PTN: variants seen among roughly 807,000 people sequenced by gnomAD.
PTN encodes pleiotrophin.
Under a neutral mutation model 24.1 loss-of-function variants are expected in PTN, and 18 were observed. The observed-to-expected ratio is 0.75, with a 90% CI of 0.52 to 1.11. The LOEUF (loss-of-function observed/expected upper bound fraction) is 1.11, where lower values mean the gene tolerates loss of function less well. Among genes scored for constraint, PTN ranks in the 50% least tolerant of loss-of-function variants. The pLI is 0.00. For missense variants in PTN, 163 were observed against 198.8 expected (o/e 0.82, Z 1.08); for synonymous variants, 78 against 68.6 (o/e 1.14, Z -0.67).
intron 1 of PTN, among the ~76,000 whole-genome samples, chr7:137,292,159 T>G (rs181724323): frequency 6.6e-6 from 1 of 152,180 alleles, no homozygotes; most frequent in Non-Finnish European, 1.5e-5. Flanking sequence ...GGTGGGGGAT[T>G]GGTTCCAGGA....
rs1808718897 is a variant in PTN, at chr7:137,246,105, A to G, written c.451+5125T>C. 2.0e-5 allele frequency among the ~76,000 whole-genome samples: 3 copies of G among 152,162 alleles called. No individual in the cohort carries two copies. The South Asian group carries it at 6.2e-4, about 31-fold the overall frequency. Reference sequence around the variant, plus strand: ...ATGCCTTCACATTCACTCACTGTTCATTCAGTGACTCACCCAGAGCAACTT... The same window carrying G: ...ATGCCTTCACATTCACTCACTGTTCGTTCAGTGACTCACCCAGAGCAACTT... On this transcript the variant is annotated intron_variant, in intron 4 of 4. Transcript: ENST00000348225.
intron 4 of PTN, among the ~76,000 whole-genome samples, chr7:137,239,357 T>A (rs1239124391): frequency 1.3e-5 from 2 of 151,274 alleles, no homozygotes; most frequent in East Asian, 3.9e-4. Flanking sequence ...CTAGGGACTA[T>A]AAGATGTAAT....
intron 4 of PTN, among the ~76,000 whole-genome samples, chr7:137,245,229 T>C (rs1808702508): frequency 6.6e-6 from 1 of 152,162 alleles, no homozygotes; most frequent in Non-Finnish European, 1.5e-5. Flanking sequence ...TATGTTTGAT[T>C]AGAATGATAA....
chr7:137,340,651 C>G (rs1810519074), intron 1 of PTN, among the ~76,000 whole-genome samples: 1 of 152,232 alleles, frequency 6.6e-6, no homozygotes, highest in South Asian at 2.1e-4. Flanking sequence ...GAGGCAAAAA[C>G]TCTTCGACTA....
intron 1 of PTN, among the ~76,000 whole-genome samples, chr7:137,278,945 C>CAATAAT (rs59932923): frequency 0.12 from 15,507 of 134,078 alleles, 1,068 homozygotes; most frequent in East Asian, 0.31. Context: ...CATCTCAGAA[C>CAATAAT]AATAATAATA....
chr7:137,337,273 CTATT>C (rs1236444021), intron 1 of PTN, among the ~76,000 whole-genome samples: 9 of 152,248 alleles, frequency 5.9e-5, no homozygotes, highest in African/African-American at 2.2e-4. Context: ...GAGATAAAAT[CTATT>C]TATTAGCCTA....
At chr7:137,241,363 C>A (rs1316779789) in intron 4 of PTN, among the ~76,000 whole-genome samples, 1 of 152,110 alleles carries the variant, frequency 6.6e-6, no homozygotes, top group African/African-American at 2.4e-5. Context: ...TTAAATGACA[C>A]CCTGTGTGAG....
chr7:137,310,613 C>T (rs558130696), intron 1 of PTN, among the ~76,000 whole-genome samples: 2 of 152,054 alleles, frequency 1.3e-5, no homozygotes, highest in South Asian at 4.2e-4. Context: ...ACCATGTTGG[C>T]CAGGTTGGTC....
At chr7:137,259,291 A>T (rs2128872261) in intron 1 of PTN, among the ~76,000 whole-genome samples, 1 of 152,250 alleles carries the variant, frequency 6.6e-6, no homozygotes, top group South Asian at 2.1e-4. Flanking sequence ...TATCTAAAGT[A>T]AATACAGGGA....
chr7:137,264,145 A>G (rs1191723541), intron 1 of PTN, among the ~76,000 whole-genome samples: 1 of 152,152 alleles, frequency 6.6e-6, no homozygotes, highest in Non-Finnish European at 1.5e-5. Flanking sequence ...TCTAATTCTC[A>G]GGCTTCTTAT....
At chr7:137,294,465 T>C (rs979309640) in intron 1 of PTN, among the ~76,000 whole-genome samples, 1 of 152,156 alleles carries the variant, frequency 6.6e-6, no homozygotes, top group Non-Finnish European at 1.5e-5. Context: ...TCCTGACATG[T>C]AAGTTTCCTT....
At chr7:137,230,068 A>G (rs10954577) in intron 4 of PTN, among the ~76,000 whole-genome samples, 29,418 of 151,694 alleles carry the variant, frequency 0.19, 3,456 homozygotes, top group East Asian at 0.6. Context: ...ATATCTAAGT[A>G]GCAATTTTCA....
At chr7:137,299,793 GC>G (rs1809777205) in intron 1 of PTN, among the ~76,000 whole-genome samples, 1 of 151,812 alleles carries the variant, frequency 6.6e-6, no homozygotes, top group African/African-American at 2.4e-5. Context: ...TTGAGAATCA[GC>G]CCTAAAGAAT....
intron 4 of PTN, among the ~76,000 whole-genome samples, chr7:137,233,022 A>T (rs1164667792): frequency 6.6e-6 from 1 of 151,982 alleles, no homozygotes; most frequent in Admixed American, 6.6e-5. Flanking sequence ...GTATTTCTTC[A>T]TAGCAGCACG....
chr7:137,238,312 C>T (rs1226568739), intron 4 of PTN, among the ~76,000 whole-genome samples: 3 of 152,134 alleles, frequency 2.0e-5, no homozygotes, highest in Admixed American at 2.0e-4. Context: ...GGCCAGGGCC[C>T]AGCCTGGGAG....
At chr7:137,299,425 C>G (rs1426556661) in intron 1 of PTN, among the ~76,000 whole-genome samples, 1 of 151,820 alleles carries the variant, frequency 6.6e-6, no homozygotes, top group Non-Finnish European at 1.5e-5. Context: ...TTAGAAAGAT[C>G]CAGTCATTAG....
intron 4 of PTN, among the ~76,000 whole-genome samples, chr7:137,250,738 A>G (rs1808809699): frequency 6.6e-6 from 1 of 152,254 alleles, no homozygotes; most frequent in African/African-American, 2.4e-5. Context: ...ATTGAACTCA[A>G]AAAATATAAA....
intron 1 of PTN, among the ~76,000 whole-genome samples, chr7:137,255,677 C>T (rs1046359792): frequency 2.6e-5 from 4 of 152,170 alleles, no homozygotes; most frequent in African/African-American, 9.7e-5. Context: ...TACACTCACT[C>T]ATAATAGGAA....
chr7:137,233,939 T>C (rs1191043397), intron 4 of PTN, among the ~76,000 whole-genome samples: 9 of 149,790 alleles, frequency 6.0e-5, no homozygotes, highest in Middle Eastern at 3.5e-3. Context: ...TATACATATA[T>C]ATGTATATGT....
Sources: gnomAD v4.1 joint callset for allele counts (sites outside exome capture counted in the v4.1 genomes callset) on GRCh38, gnomAD v4.1.1 for gene constraint, MANE v1.5 for transcripts, NCBI Gene and HGNC (gene_info 2026-07-23, HGNC 2026-07-21) for gene names.